RB1: variants seen among roughly 807,000 people sequenced by gnomAD.
RB1 encodes retinoblastoma-associated protein.
RB1 carries 18 observed loss-of-function variants against 135.4 expected under a neutral mutation model. The ratio of observed to expected loss-of-function variants is 0.13; its 90% confidence interval spans 0.09 to 0.20. The LOEUF (loss-of-function observed/expected upper bound fraction) is 0.20. Among genes scored for constraint, RB1 ranks in the 10% least tolerant of loss-of-function variants. RB1 has a pLI of 1.00. For synonymous variants in RB1, 365 were observed against 373.2 expected (o/e 0.98, Z 0.25); for missense variants, 868 against 1,110.0 (o/e 0.78, Z 3.10).
chr13:48,394,775 A>T (rs1330913384), intron 17 of RB1, among the ~76,000 whole-genome samples: 1 of 152,182 alleles, frequency 6.6e-6, no homozygotes, highest in African/African-American at 2.4e-5. Flanking sequence ...ACTCCCATCT[A>T]CCTGGGACAG....
chr13:48,395,476 CT>C (rs1253944838), intron 17 of RB1, among the ~76,000 whole-genome samples: 1 of 151,906 alleles, frequency 6.6e-6, no homozygotes, highest in East Asian at 1.9e-4. Flanking sequence ...AAGCTAAGAA[CT>C]TTGAAAAAAG....
chr13:48,385,450 G>A (rs1948564674), intron 17 of RB1, among the ~76,000 whole-genome samples: 1 of 152,172 alleles, frequency 6.6e-6, no homozygotes, highest in Non-Finnish European at 1.5e-5. Context: ...GGAGCCTGAG[G>A]AGAAGGCTTT....
At chr13:48,436,661 T>G (rs567734108) in intron 17 of RB1, among the ~76,000 whole-genome samples, 1 of 151,456 alleles carries the variant, frequency 6.6e-6, no homozygotes, top group East Asian at 1.9e-4. Flanking sequence ...AAAATCATGA[T>G]AGTGGCTCAG....
rs2138344879 is a variant in RB1, at chr13:48,465,068, T to C, written c.2282T>C (p.Met761Thr). Residue 761 changes from methionine (M) to threonine (T), a missense_variant, in exon 22 of 27, where the codon ATG becomes ACG. Physicochemically the swap from Met to Thr is moderately conservative, Grantham distance 81 (BLOSUM62 -1). Coordinates refer to ENST00000267163, the MANE Select transcript of RB1 (RefSeq NM_000321.3). ...ATAGTATTCTATAACTCGGTCTTCA[T>C]GCAGAGACTGAAAACAAATATTTTG... is the stretch of plus-strand genomic sequence containing the variant. ...SIIVFYNSVF[M>T]QRLKTNILQY... 6.2e-7 allele frequency: 1 copy of C among 1,611,006 alleles called. No individual in the cohort carries two copies. The highest frequency in any genetic ancestry group is 8.5e-7 in the Non-Finnish European group (1 of 1,178,672).
chr13:48,311,218 T>C (rs1275399774), intron 2 of RB1, among the ~76,000 whole-genome samples: 1 of 152,232 alleles, frequency 6.6e-6, no homozygotes, highest in Non-Finnish European at 1.5e-5. Flanking sequence ...TACATACATA[T>C]ATATGTATAT....
At chr13:48,419,095 G>A (rs1308073825) in intron 17 of RB1, among the ~76,000 whole-genome samples, 1 of 152,134 alleles carries the variant, frequency 6.6e-6, no homozygotes, top group Admixed American at 6.5e-5. Context: ...ATTCTTCTTA[G>A]CACCACATCA....
intron 2 of RB1, among the ~76,000 whole-genome samples, chr13:48,331,682 T>C (rs1462781262): frequency 3.3e-5 from 5 of 152,222 alleles, no homozygotes; most frequent in Admixed American, 1.3e-4. Context: ...GAAAACAGTA[T>C]GGAAGCTCCT....
At chr13:48,472,358 G>A (rs1364633175) in intron 23 of RB1, among the ~76,000 whole-genome samples, 2 of 152,126 alleles carry the variant, frequency 1.3e-5, no homozygotes, top group Admixed American at 1.3e-4. Flanking sequence ...GCTCTCATGT[G>A]TCTCTGTATC....
rs71072103 is a variant in RB1 at position 48,471,573 on chromosome 13, T to TTAAA, written c.2490-1787_2490-1786insTAAA. 3.1e-4 allele frequency among the ~76,000 whole-genome samples: 42 copies of TTAAA among 133,974 alleles called. 5 individuals carry two copies. Among genetic ancestry groups the TTAAA allele is most frequent in the East Asian group, 8.8e-4 (4 of 4,546 alleles). The allele number at this position is 133,974 out of a possible 152,430, so 87.9% of individuals were successfully genotyped here. A position where few individuals can be genotyped will look rare whatever the true frequency, so the allele number is the denominator to read the frequency against. On this transcript the variant is annotated intron_variant, in intron 23 of 26. Transcript: ENST00000267163. The stretch of plus-strand genomic sequence containing the variant: ...CTTAGAGTATAATAAAAAATATAAA[T>TTAAA]AAAAAAAAAAAAAAGAAAATCTATT...
chr13:48,454,389 G>C (rs1949347584), intron 18 of RB1, among the ~76,000 whole-genome samples: 1 of 152,208 alleles, frequency 6.6e-6, no homozygotes, highest in South Asian at 2.1e-4. Flanking sequence ...GGCATATGGA[G>C]ACCCTGCCTT....
chr13:48,465,351 A>G lies in RB1; in HGVS notation c.2472A>G (p.Lys824=), dbSNP rs2138346192. The G allele has an allele frequency of 2.5e-6, 4 of 1,605,178 alleles. No homozygotes were observed. The highest frequency in any genetic ancestry group is 3.4e-6 in the Non-Finnish European group (4 of 1,171,924). ...CAGAAGGTCTGCCAACACCAACAAA[A>G]ATGACTCCAAGATCAAGGTGTGTGT... The part of the protein sequence containing the change: ...KISEGLPTPT[K]MTPRSRILVS... Residue 824 remains lysine, a synonymous_variant, in exon 23 of 27, where the codon AAA becomes AAG. Coordinates refer to ENST00000267163, the MANE Select transcript of RB1 (RefSeq NM_000321.3).
chr13:48,335,949 G>A (rs1056031362), intron 2 of RB1, among the ~76,000 whole-genome samples: 2 of 151,996 alleles, frequency 1.3e-5, no homozygotes, highest in African/African-American at 4.8e-5. Context: ...AAAAGCCCAT[G>A]GAGTTGAGAA....
chr13:48,457,891 G>T (rs1375439488), intron 19 of RB1, among the ~76,000 whole-genome samples: 1 of 152,262 alleles, frequency 6.6e-6, no homozygotes, highest in Admixed American at 6.5e-5. Context: ...GCCTGCGAGG[G>T]CGGTGGCAGT....
chr13:48,438,210 T>C (rs1299947657), intron 17 of RB1, among the ~76,000 whole-genome samples: 1 of 152,218 alleles, frequency 6.6e-6, no homozygotes, highest in Non-Finnish European at 1.5e-5. Context: ...CAAAGGCTTG[T>C]GTGCCAGGTG....
At chr13:48,304,379 A>T (rs759622480) in intron 1 of RB1, among the ~76,000 whole-genome samples, 2 of 152,270 alleles carry the variant, frequency 1.3e-5, no homozygotes, top group East Asian at 3.9e-4. Flanking sequence ...AAAATGAAAA[A>T]TAAAAATACA....
intron 11 of RB1, among the ~76,000 whole-genome samples, chr13:48,372,313 A>G (rs1026338030): frequency 1.3e-5 from 2 of 152,236 alleles, no homozygotes; most frequent in Non-Finnish European, 2.9e-5. Context: ...TAATCACTGT[A>G]GCTTAAATAT....
intron 2 of RB1, among the ~76,000 whole-genome samples, chr13:48,325,714 A>G (rs980364497): frequency 2.0e-5 from 3 of 151,728 alleles, no homozygotes; most frequent in Non-Finnish European, 4.4e-5. Flanking sequence ...TTTTGGGTAT[A>G]TCATAATTTA....
Position 48,478,077 on chromosome 13 carries a change from G to A in RB1, c.2713+673G>A, listed in dbSNP as rs1174026697. Among the ~76,000 whole-genome samples, 4 of 152,282 alleles carry A rather than the reference G, an allele frequency of 2.6e-5. No individual in the cohort carries two copies. In the South Asian group the frequency reaches 6.2e-4, roughly 24 times the overall value. ...GTCTTAGGTAGTTATGGTAGTGAGT[G>A]TAACATTTCCCAGTATCTGCTGCCA... On this transcript the variant is annotated intron_variant, in intron 26 of 26. Coordinates refer to ENST00000267163, the MANE Select transcript of RB1 (RefSeq NM_000321.3).
Position 48,453,011 on chromosome 13 carries a change from C to A in RB1, c.1714C>A (p.Leu572Ile), listed in dbSNP as rs1949337667. The part of the protein sequence containing the change: ...AWLSDSPLFD[L>I]IKQSKDREGP... ...CATATAGGATTCACCTTTATTTGAT[C>A]TTATTAAACAATCAAAGGACCGAGA... The change falls in exon 18 of 27, where the codon CTT (leucine) becomes ATT (isoleucine). Residue 572 changes from leucine to isoleucine, a missense_variant. Coordinates refer to ENST00000267163, the MANE Select transcript of RB1 (RefSeq NM_000321.3). 6.2e-7 allele frequency: 1 copy of A among 1,612,762 alleles called. No individual in the cohort carries two copies.
Sources: gnomAD v4.1 joint callset for allele counts (sites outside exome capture counted in the v4.1 genomes callset) on GRCh38, gnomAD v4.1.1 for gene constraint, MANE v1.5 for transcripts, NCBI Gene and HGNC (gene_info 2026-07-23, HGNC 2026-07-21) for gene names.